The following PDE5A variants were observed in gnomAD, a reference collection of about 807,000 sequenced individuals.
PDE5A encodes phosphodiesterase 5A, also known as cGMP-specific 3',5'-cyclic phosphodiesterase.
A neutral mutation model predicts 110.2 loss-of-function variants in PDE5A; 67 were observed. That is an observed-to-expected ratio of 0.61 (90% CI 0.50 to 0.75). PDE5A has a LOEUF of 0.75. PDE5A is among the 30% of genes least tolerant of loss of function. PDE5A has a pLI of 0.00. For missense variants in PDE5A, 862 were observed against 1,045.1 expected, an observed-to-expected ratio of 0.82 and a Z score of 2.42; for synonymous variants, 328 against 351.2, an observed-to-expected ratio of 0.93 and a Z score of 0.74.
chr4:119,505,985 C>A (rs1725540991), intron 16 of PDE5A, 53 bp from the exon 17 acceptor site: 1 of 996,736 alleles, frequency 1.0e-6, no homozygotes, highest in Non-Finnish European at 1.5e-6. Flanking sequence ...AGGGTCTTAT[C>A]CCTTTGGTCC....
chr4:119,553,545 C>A (rs1351685072), intron 8 of PDE5A, 93 bp downstream of exon 8: 1 of 756,098 alleles, frequency 1.3e-6, no homozygotes, highest in Non-Finnish European at 2.4e-6. Context: ...ACAGTCAATT[C>A]TAGAGCCAGT....
chr4:119,574,792 T>C (rs1578789896), intron 3 of PDE5A, among the ~76,000 whole-genome samples: 2 of 152,250 alleles, frequency 1.3e-5, no homozygotes, highest in East Asian at 3.9e-4. Context: ...TAATGCAGTA[T>C]CAAAAATAAG....
chr4:119,624,076 G>T (rs915454966), intron 1 of PDE5A, among the ~76,000 whole-genome samples: 7 of 152,100 alleles, frequency 4.6e-5, no homozygotes, highest in Non-Finnish European at 1.0e-4. Context: ...GCAGCTTAGA[G>T]CTGGTTATAT....
intron 5 of PDE5A, 149 bp from the exon 6 acceptor site, chr4:119,563,119 A>T: frequency 1.8e-6 from 1 of 550,772 alleles, no homozygotes; most frequent in Non-Finnish European, 3.0e-6. Context: ...ACTTATTAAC[A>T]AAATCCTTTA....
intron 12 of PDE5A, among the ~76,000 whole-genome samples, chr4:119,522,348 C>CT (rs1726157578): frequency 6.6e-6 from 1 of 151,986 alleles, no homozygotes; most frequent in Admixed American, 6.6e-5. Flanking sequence ...TGAATAGAGT[C>CT]TGTCAGGAAG....
chr4:119,505,405 C>T (rs1266892036), intron 17 of PDE5A, among the ~76,000 whole-genome samples: 1 of 151,942 alleles, frequency 6.6e-6, no homozygotes, highest in African/African-American at 2.4e-5. Context: ...CAATATCAAA[C>T]TGTTTTAATC....
chr4:119,515,570 A>C (rs1725881130), intron 14 of PDE5A, among the ~76,000 whole-genome samples: 1 of 152,022 alleles, frequency 6.6e-6, no homozygotes, highest in Non-Finnish European at 1.5e-5. Context: ...CATAACTTCC[A>C]TTCTTGCCAA....
At chr4:119,573,154 C>T (rs1578788073) in intron 3 of PDE5A, among the ~76,000 whole-genome samples, 1 of 152,054 alleles carries the variant, frequency 6.6e-6, no homozygotes, top group African/African-American at 2.4e-5. Context: ...ATTTGATCTC[C>T]AAAGAATGGA....
intron 3 of PDE5A, among the ~76,000 whole-genome samples, chr4:119,581,266 A>G (rs1311823582): frequency 6.6e-6 from 1 of 152,240 alleles, no homozygotes; most frequent in Non-Finnish European, 1.5e-5. Flanking sequence ...GAATTTAAAA[A>G]TTAAAGTTGG....
chr4:119,589,225 C>T (rs1728876016), intron 3 of PDE5A, among the ~76,000 whole-genome samples: 1 of 151,806 alleles, frequency 6.6e-6, no homozygotes, highest in Non-Finnish European at 1.5e-5. Context: ...CTGCTTTCTA[C>T]CCCTTATCCT....
At chr4:119,602,749 A>G (rs13125819) in intron 2 of PDE5A, among the ~76,000 whole-genome samples, 148,088 of 152,346 alleles carry the variant, frequency 0.97, 72,112 homozygotes, top group East Asian at 1. Context: ...TGCATGGTGA[A>G]AGAAGGTGAA....
rs983183759 is a variant in PDE5A, at chr4:119,525,175, G to A, written c.1779+374C>T. On this transcript the variant is annotated intron_variant, in intron 12 of 20. Transcript: ENST00000354960. The surrounding 1 kb of genome is among the most constrained non-coding windows in gnomAD (Gnocchi z 4.3). ...GGGTAAAATCCAAATTCATCTGTAC[G>A]GCTTACAAGGTTCCGTATCATTTGC... Among the ~76,000 whole-genome samples the A allele has an allele frequency of 1.3e-5, 2 of 151,852 alleles. No individual in the cohort carries two copies. Among genetic ancestry groups the A allele is most frequent in the East Asian group, 3.9e-4 (2 of 5,164 alleles).
At chr4:119,607,503 G>A (rs1729582917) in intron 1 of PDE5A, among the ~76,000 whole-genome samples, 1 of 152,186 alleles carries the variant, frequency 6.6e-6, no homozygotes, top group Admixed American at 6.5e-5. Flanking sequence ...TTGGGAGGCT[G>A]AGGTGGGAGG....
At chr4:119,555,152 TCA>T (rs550196689) in intron 7 of PDE5A, among the ~76,000 whole-genome samples, 191 of 152,328 alleles carry the variant, frequency 1.3e-3, no homozygotes, top group African/African-American at 4.5e-3. Context: ...TCAAAATATT[TCA>T]GTCTTCCCTT....
In PDE5A at chr4:119,576,104, T is replaced by C. The variant is rs187920669; in HGVS notation, c.832-8960A>G. ...AGAGACAAAGAAGGCCATTACATAA[T>C]GGTAAAGGGATCAATTCAACAAGAA... is the stretch of plus-strand genomic sequence containing the variant. On this transcript the variant is annotated intron_variant, in intron 3 of 20. Coordinates refer to ENST00000354960, the MANE Select transcript of PDE5A (RefSeq NM_001083.4). 3.6e-3 allele frequency among the ~76,000 whole-genome samples: 547 copies of C among 151,770 alleles called. 3 individuals are homozygous for C. The highest frequency in any genetic ancestry group is 0.013 in the African/African-American group (533 of 41,336).
At chr4:119,595,424 CGT>C (rs1343359551) in intron 3 of PDE5A, among the ~76,000 whole-genome samples, 1 of 152,104 alleles carries the variant, frequency 6.6e-6, no homozygotes, top group Non-Finnish European at 1.5e-5. Flanking sequence ...AACATTTCCG[CGT>C]GTGTCTGTGA....
At chr4:119,500,951 A>G (rs1379194582) in intron 20 of PDE5A, 8 of 508,070 alleles carry the variant, frequency 1.6e-5, no homozygotes, top group Middle Eastern at 1.1e-3. Flanking sequence ...CCCCAAATCA[A>G]TTTGTTGGAG....
At chr4:119,537,586 T>G (rs1726772629) in intron 11 of PDE5A, among the ~76,000 whole-genome samples, 1 of 152,016 alleles carries the variant, frequency 6.6e-6, no homozygotes. Flanking sequence ...TTCACAGGAG[T>G]TCTGTTCTCA....
intron 14 of PDE5A, chr4:119,517,059 G>A (rs1215200234): frequency 6.6e-6 from 1 of 152,184 alleles, no homozygotes; most frequent in Admixed American, 6.5e-5. Context: ...ATAATCAAAT[G>A]ATGACTCAAG....
Sources: gnomAD v4.1 joint callset for allele counts (sites outside exome capture counted in the v4.1 genomes callset) on GRCh38, gnomAD v4.1.1 for gene constraint, Gnocchi (gnomAD v3.1) non-coding constraint, MANE v1.5 for transcripts, NCBI Gene and HGNC (gene_info 2026-07-23, HGNC 2026-07-21) for gene names.